The following ANKRD31 variants were observed in gnomAD, a reference collection of about 807,000 sequenced individuals.
ANKRD31 encodes the protein ankyrin repeat domain-containing protein 31.
Under a neutral mutation model 186.0 loss-of-function variants are expected in ANKRD31, and 147 were observed. The ratio of observed to expected loss-of-function variants is 0.79; its 90% CI spans 0.69 to 0.91. The LOEUF (loss-of-function observed/expected upper bound fraction) is 0.91. Ranked by LOEUF, ANKRD31 falls within the 40% of genes least tolerant of loss-of-function variation. The pLI, the probability that ANKRD31 is intolerant of heterozygous loss-of-function variation, is 0.00. For missense variants in ANKRD31, 1,986 were observed against 2,148.8 expected, an observed-to-expected ratio of 0.92 and a Z score of 1.50; for synonymous variants, 673 against 736.4, an observed-to-expected ratio of 0.91 and a Z score of 1.39.
intron 17 of ANKRD31, among the ~76,000 whole-genome samples, chr5:75,134,856 G>T (rs1275288212): frequency 6.6e-6 from 1 of 152,054 alleles, no homozygotes; most frequent in East Asian, 1.9e-4. Context: ...TACAAGGCTG[G>T]TTCAACATAT....
intron 14 of ANKRD31, among the ~76,000 whole-genome samples, chr5:75,144,815 T>G (rs949359012): frequency 6.6e-6 from 1 of 151,950 alleles, no homozygotes; most frequent in African/African-American, 2.4e-5. Flanking sequence ...GGCAACCTAC[T>G]GAATGGAAGA....
intron 2 of ANKRD31, among the ~76,000 whole-genome samples, chr5:75,226,602 C>T (rs1580596942): frequency 6.6e-6 from 1 of 152,078 alleles, no homozygotes; most frequent in Admixed American, 6.5e-5. Context: ...TTAAAATGGG[C>T]AAAAGATCTG....
chr5:75,146,553 G>A lies in ANKRD31; in HGVS notation c.2858C>T (p.Ser953Leu), dbSNP rs914418625. The change falls in exon 14 of 26, where the codon TCA becomes TTA. Residue 953 changes from serine (S) to leucine (L), a missense_variant. Ser to Leu is a moderately radical substitution (Grantham distance 145, BLOSUM62 -2). Transcript: ENST00000506364. Reference sequence around the variant, plus strand: ...GACTGCTTTTAACTCATTTTCCTGTGAAAGATGATCTTCAGAAAGTAAAAA... The same window carrying A: ...GACTGCTTTTAACTCATTTTCCTGTAAAAGATGATCTTCAGAAAGTAAAAA... ...QQFLLSEDHL[S>L]QENELKAVSL... The A allele has an allele frequency of 6.5e-7, 1 of 1,536,212 alleles. No individual in the cohort carries two copies. The highest frequency in any genetic ancestry group is 8.7e-7 in the Non-Finnish European group (1 of 1,146,374).
At chr5:75,228,277 A>C (rs1490322959) in intron 2 of ANKRD31, among the ~76,000 whole-genome samples, 1 of 152,210 alleles carries the variant, frequency 6.6e-6, no homozygotes, top group Non-Finnish European at 1.5e-5. Flanking sequence ...TTTTAACACA[A>C]AAAATAACAA....
Position 75,193,392 on chromosome 5 carries a change from T to A in ANKRD31, c.1217A>T (p.Tyr406Phe), listed in dbSNP as rs1004027663. 9 of 1,537,042 alleles carry A rather than the reference T, an allele frequency of 5.9e-6. No homozygotes were observed. The Admixed American group carries it at 1.4e-4, about 23-fold the overall frequency. ...TGGTAAAATCTTTTCTGGCATCTTA[T>A]ACATGTGATCTGAGTACTTTGCATC... ...SRDAKYSDHM[Y>F]KMPEKILPKI... Residue 406 changes from tyrosine to phenylalanine, a missense_variant, in exon 8 of 26, where the codon TAT becomes TTT. Physicochemically the swap from Tyr to Phe is conservative, Grantham distance 22. Transcript: ENST00000506364.
At chr5:75,224,058 T>C (rs1757461749) in intron 2 of ANKRD31, among the ~76,000 whole-genome samples, 1 of 147,914 alleles carries the variant, frequency 6.8e-6, no homozygotes, top group Non-Finnish European at 1.5e-5. Context: ...AGTTTTGTTA[T>C]AGCAGCCCCA....
intron 25 of ANKRD31, 42 bp from the exon 26 acceptor site, chr5:75,068,706 A>T: frequency 6.9e-7 from 1 of 1,450,314 alleles, no homozygotes; most frequent in Non-Finnish European, 9.0e-7. Context: ...TGCCCTCTGA[A>T]ATTTAAGATG....
rs1217891112 is a variant in ANKRD31 at position 75,091,535 on chromosome 5, G to A, written c.5332-134C>T. On this transcript the variant is annotated intron_variant, in intron 22 of 25. Transcript: ENST00000506364. Reference sequence around the variant, plus strand: ...ATGTATTTTTGTATATAAATTTAATGTATCTAGAAATGGTCATAAGGGCAT... The same window carrying A: ...ATGTATTTTTGTATATAAATTTAATATATCTAGAAATGGTCATAAGGGCAT... 4.8e-6 allele frequency: 4 copies of A among 836,256 alleles called. No homozygotes were observed. The African/African-American group carries it at 5.1e-5, about 11-fold the overall frequency. 51.8% of individuals were successfully genotyped at this position (836,256 alleles called of 1,614,324 possible). A position where few individuals can be genotyped will look rare whatever the true frequency, so the allele number is the denominator to read the frequency against.
At position 75,068,323 on chromosome 5, in the gene ANKRD31, T is replaced by C. The variant is rs1743926538; in HGVS notation, c.*196A>G. 2.1e-6 allele frequency: 1 copy of C among 481,020 alleles called. No individual in the cohort carries two copies. The highest frequency in any genetic ancestry group is 3.3e-6 in the Non-Finnish European group (1 of 301,098). 29.8% of individuals were successfully genotyped at this position (481,020 alleles called of 1,614,324 possible). A position where few individuals can be genotyped will look rare whatever the true frequency, so the allele number is the denominator to read the frequency against. ...ATGGTCTAGTTCAAATGTGCCTTTATTTCAATGGCAAAAAAGCATTAATCT... is the reference window on the plus strand; with the variant it reads ...ATGGTCTAGTTCAAATGTGCCTTTACTTCAATGGCAAAAAAGCATTAATCT... On this transcript the variant is annotated 3_prime_UTR_variant, in exon 26 of 26. Coordinates refer to ENST00000506364, the MANE Select transcript of ANKRD31 (RefSeq NM_001372053.1).
intron 2 of ANKRD31, among the ~76,000 whole-genome samples, chr5:75,225,160 T>C (rs1211238350): frequency 6.6e-6 from 1 of 152,194 alleles, no homozygotes; most frequent in Non-Finnish European, 1.5e-5. Flanking sequence ...GCACAAAGTT[T>C]TAGATAGTTA....
chr5:75,199,079 G>A (rs1480205282), intron 6 of ANKRD31, among the ~76,000 whole-genome samples: 1 of 152,138 alleles, frequency 6.6e-6, no homozygotes, highest in Non-Finnish European at 1.5e-5. Flanking sequence ...GTGGCAGTAT[G>A]GGCCTACAGT....
chr5:75,203,662 C>CAA (rs112986947), intron 5 of ANKRD31, among the ~76,000 whole-genome samples: 4,140 of 98,906 alleles, frequency 0.042, 76 homozygotes, highest in Non-Finnish European at 0.061. Flanking sequence ...GGATCCATCT[C>CAA]AAAAAAAAAA....
intron 17 of ANKRD31, among the ~76,000 whole-genome samples, chr5:75,126,225 T>G (rs1264771576): frequency 1.3e-5 from 2 of 152,156 alleles, no homozygotes; most frequent in Admixed American, 1.3e-4. Context: ...GTGGATCACC[T>G]GAGGTCAGGA....
rs1305401065 is a variant in ANKRD31 at position 75,107,766 on chromosome 5, C to G, written c.4244-149G>C. ...AATAGCCCAGATATCTCAATTAAGG[C>G]TTATTTAACAATGTCAATCTATGGA... On this transcript the variant is annotated intron_variant, in intron 20 of 25. Transcript: ENST00000506364. 3 of 561,964 alleles carry G rather than the reference C, an allele frequency of 5.3e-6. No homozygotes were observed. The South Asian group carries it at 6.9e-5, about 13-fold the overall frequency. 34.8% of individuals were successfully genotyped at this position (561,964 alleles called of 1,614,324 possible). A position where few individuals can be genotyped will look rare whatever the true frequency, so the allele number is the denominator to read the frequency against.
At chr5:75,149,342 T>A (rs1169210218) in intron 12 of ANKRD31, among the ~76,000 whole-genome samples, 1 of 151,890 alleles carries the variant, frequency 6.6e-6, no homozygotes, top group Non-Finnish European at 1.5e-5. Context: ...ATGTGATACA[T>A]AACACAAATT....
intron 10 of ANKRD31, among the ~76,000 whole-genome samples, chr5:75,177,753 C>A (rs980565612): frequency 2.0e-5 from 3 of 152,144 alleles, no homozygotes; most frequent in African/African-American, 4.8e-5. Context: ...TGGAAAGGAA[C>A]AACTGGTACC....
chr5:75,071,451 G>C, intron 25 of ANKRD31, among the ~76,000 whole-genome samples: 1 of 150,646 alleles, frequency 6.6e-6, no homozygotes. Flanking sequence ...AGATCATAAT[G>C]CCTAATTCAA....
chr5:75,068,316 G>A lies in ANKRD31; in HGVS notation c.*203C>T. 1 of 445,190 alleles carries A rather than the reference G, an allele frequency of 2.2e-6. No homozygotes were observed. Among genetic ancestry groups the A allele is most frequent in the African/African-American group, 2.0e-5 (1 of 49,204 alleles). 27.6% of individuals were successfully genotyped at this position (445,190 alleles called of 1,614,324 possible). On this transcript the variant is annotated 3_prime_UTR_variant, in exon 26 of 26. Coordinates refer to ENST00000506364, the MANE Select transcript of ANKRD31 (RefSeq NM_001372053.1). ...AATCAATATGGTCTAGTTCAAATGTGCCTTTATTTCAATGGCAAAAAAGCA... is the reference window on the plus strand; with the variant it reads ...AATCAATATGGTCTAGTTCAAATGTACCTTTATTTCAATGGCAAAAAAGCA...
At chr5:75,108,960 A>G (rs1488561455) in intron 20 of ANKRD31, among the ~76,000 whole-genome samples, 1 of 152,192 alleles carries the variant, frequency 6.6e-6, no homozygotes, top group African/African-American at 2.4e-5. Flanking sequence ...TCTCTAAGAA[A>G]CAACAGAAAT....
Sources: gnomAD v4.1 joint callset for allele counts (sites outside exome capture counted in the v4.1 genomes callset) on GRCh38, gnomAD v4.1.1 for gene constraint, MANE v1.5 for transcripts, NCBI Gene and HGNC (gene_info 2026-07-23, HGNC 2026-07-21) for gene names.